Variants in MTCL1 observed in about 807,000 individuals in gnomAD.
MTCL1 encodes microtubule cross-linking factor 1.
In MTCL1, 79 loss-of-function variants were observed where a neutral mutation model predicts 141.4. The ratio of observed to expected loss-of-function variants is 0.56; its 90% confidence interval spans 0.47 to 0.67. The LOEUF (loss-of-function observed/expected upper bound fraction) is 0.67. Ranked by LOEUF, MTCL1 falls within the 30% of genes least tolerant of loss-of-function variation. The pLI is 0.00. For missense variants in MTCL1, 2,177 were observed against 2,113.9 expected (o/e 1.03, Z -0.59); for synonymous variants, 914 against 875.8 (o/e 1.04, Z -0.77).
intron 4 of MTCL1, among the ~76,000 whole-genome samples, chr18:8,731,543 C>T (rs1017572348): frequency 6.6e-6 from 1 of 152,082 alleles, no homozygotes; most frequent in African/African-American, 2.4e-5. Flanking sequence ...CATCGCACTC[C>T]AGCCTGGGGG....
intron 10 of MTCL1, 136 bp downstream of exon 9, chr18:8,798,427 TTGTCATTTGTGATGC>T: frequency 1.5e-6 from 1 of 685,208 alleles, no homozygotes; most frequent in Non-Finnish European, 2.2e-6. Flanking sequence ...CGGTCACCTG[TTGTCATTTGTGATGC>T]TGGGTTTTTC....
intron 4 of MTCL1, among the ~76,000 whole-genome samples, chr18:8,760,046 C>G (rs1472231189): frequency 6.6e-6 from 1 of 152,178 alleles, no homozygotes; most frequent in Non-Finnish European, 1.5e-5. Flanking sequence ...CTATTTGCCC[C>G]CTTTGGGAGT....
chr18:8,808,097 T>G (rs576994754), intron 11 of MTCL1, among the ~76,000 whole-genome samples: 1 of 151,936 alleles, frequency 6.6e-6, no homozygotes, highest in Admixed American at 6.5e-5. Flanking sequence ...GCTGAGCTGA[T>G]AGCCCTGGGT....
exon 1 of MTCL1, chr18:8,706,443 G>C (rs985604480): frequency 1.1e-5 from 13 of 1,229,396 alleles, no homozygotes; most frequent in Non-Finnish European, 1.3e-5. Flanking sequence ...GAGCGCCGCC[G>C]GGCAGCCCCG....
At chr18:8,746,411 G>C (rs531639030) in intron 4 of MTCL1, among the ~76,000 whole-genome samples, 45 of 152,098 alleles carry the variant, frequency 3.0e-4, no homozygotes, top group African/African-American at 1.1e-3. Context: ...TTTTTTGTTC[G>C]GTTGTGAGGA....
chr18:8,707,019 T>A, intron 1 of MTCL1: 1 of 313,428 alleles, frequency 3.2e-6, no homozygotes, highest in Non-Finnish European at 5.8e-6. Context: ...GTAATCGTTT[T>A]GGGGACATCA....
At chr18:8,782,512 C>A (rs1348959830) in intron 5 of MTCL1, 1 of 152,166 alleles carries the variant, frequency 6.6e-6, no homozygotes, top group Non-Finnish European at 1.5e-5. Flanking sequence ...CCACTGGACC[C>A]AAAAAGTGCC....
At chr18:8,771,318 C>T (rs964820186) in intron 4 of MTCL1, among the ~76,000 whole-genome samples, 1 of 152,058 alleles carries the variant, frequency 6.6e-6, no homozygotes, top group African/African-American at 2.4e-5. Flanking sequence ...TTAATAACTT[C>T]CTTCTAAAAG....
Position 8,706,237 on chromosome 18 carries a change from G to C in MTCL1, c.577G>C (p.Val193Leu), listed in dbSNP as rs560909536. 5.9e-3 allele frequency: 7,208 copies of C among 1,228,294 alleles called. 25 individuals are homozygous for C. The highest frequency in any genetic ancestry group is 6.5e-3 in the Non-Finnish European group (6,376 of 984,802). 76.1% of individuals were successfully genotyped at this position (1,228,294 alleles called of 1,614,324 possible). A position where few individuals can be genotyped will look rare whatever the true frequency, so the allele number is the denominator to read the frequency against. The change falls in exon 1 of 14, where the codon GTG (valine) becomes CTG (leucine). Residue 193 changes from valine to leucine, a missense_variant. Val to Leu is a conservative substitution (Grantham distance 32, BLOSUM62 1). Transcript: ENST00000306329. ...TGCCGTGACCCTCGCGGTGACCTCG[G>C]TGGCCGGGTCCCCGGCCCGCTGCTC...
At chr18:8,807,999 A>C in intron 11 of MTCL1, among the ~76,000 whole-genome samples, 1 of 143,834 alleles carries the variant, frequency 7.0e-6, no homozygotes, top group East Asian at 2.2e-4. Flanking sequence ...AAAAGACTTG[A>C]TGTGTCAAAA....
Position 8,822,242 on chromosome 18 carries a change from T to C in MTCL1, c.3188+744T>C, listed in dbSNP as rs574267580. 2.8e-4 allele frequency among the ~76,000 whole-genome samples: 42 copies of C among 152,298 alleles called. No homozygotes were observed. The highest frequency in any genetic ancestry group is 9.6e-4 in the African/African-American group (40 of 41,560). On this transcript the variant is annotated intron_variant, in intron 14 of 16. Transcript: ENST00000359865. The surrounding 1 kb of genome is among the most constrained non-coding windows in gnomAD (Gnocchi z 4.6). ...GTCTTTCTTGGGTGGTACAGGACAG[T>C]ACTTGAGAGCTCAGGCTCTAGAGCC...
intron 4 of MTCL1, among the ~76,000 whole-genome samples, chr18:8,771,726 G>A (rs548492437): frequency 6.6e-6 from 1 of 152,294 alleles, no homozygotes; most frequent in Admixed American, 6.5e-5. Flanking sequence ...TCAGTACTCA[G>A]CAAGGCATCA....
At chr18:8,717,003 A>G (rs1477011890), upstream of MTCL1, among the ~76,000 whole-genome samples, 1 of 152,182 alleles carries the variant, frequency 6.6e-6, no homozygotes, top group Non-Finnish European at 1.5e-5. Context: ...CAAGACTGGA[A>G]CAAAGCGAGC....
At chr18:8,781,179 CAAAAAAA>C (rs56370900) in intron 5 of MTCL1, among the ~76,000 whole-genome samples, 4 of 67,400 alleles carry the variant, frequency 5.9e-5, no homozygotes, top group East Asian at 6.3e-4. Flanking sequence ...GACTCCATCT[CAAAAAAA>C]AAAAAAAAAA....
chr18:8,715,058 A>G (rs1227133621), upstream of MTCL1, among the ~76,000 whole-genome samples: 1 of 152,154 alleles, frequency 6.6e-6, no homozygotes, highest in Non-Finnish European at 1.5e-5. Context: ...GGCCTCCCAA[A>G]GTGCTGGGAT....
intron 4 of MTCL1, among the ~76,000 whole-genome samples, chr18:8,730,162 C>G (rs2096242956): frequency 6.6e-6 from 1 of 152,002 alleles, no homozygotes. Context: ...TGATCTCTGC[C>G]AGAGCCACCC....
chr18:8,766,113 C>CTCACATCTAA (rs1412289273), intron 4 of MTCL1, among the ~76,000 whole-genome samples: 38 of 151,686 alleles, frequency 2.5e-4, no homozygotes, highest in Non-Finnish European at 4.4e-4. Context: ...AGAAGCTGGT[C>CTCACATCTAA]ATAGATTGGT....
intron 7 of MTCL1, among the ~76,000 whole-genome samples, chr18:8,791,488 C>T (rs983673764): frequency 6.6e-6 from 1 of 150,460 alleles, no homozygotes; most frequent in East Asian, 2.0e-4. Flanking sequence ...AAGCCAGTAA[C>T]GTCCAACAGG....
At chr18:8,730,893 C>CA (rs1392989102) in intron 4 of MTCL1, among the ~76,000 whole-genome samples, 2 of 152,210 alleles carry the variant, frequency 1.3e-5, no homozygotes, top group Non-Finnish European at 2.9e-5. Context: ...ATTTTACCTA[C>CA]ACGTTAGAAT....
Sources: gnomAD v4.1 joint callset for allele counts (sites outside exome capture counted in the v4.1 genomes callset) on GRCh38, gnomAD v4.1.1 for gene constraint, Gnocchi (gnomAD v3.1) non-coding constraint, MANE v1.5 for transcripts, NCBI Gene and HGNC (gene_info 2026-07-23, HGNC 2026-07-21) for gene names.